The following COL5A1 variants were observed in gnomAD, a reference collection of about 807,000 sequenced individuals.
The protein encoded by COL5A1 is collagen type V alpha 1 chain.
A neutral mutation model predicts 263.7 loss-of-function variants in COL5A1; 16 were observed. That is an observed-to-expected ratio of 0.06 (90% CI 0.04 to 0.09). The LOEUF (loss-of-function observed/expected upper bound fraction) is 0.09. COL5A1 is among the 10% of genes least tolerant of loss of function. The pLI, the probability that COL5A1 is intolerant of heterozygous loss-of-function variation, is 1.00. For missense variants in COL5A1, 2,036 were observed against 2,540.5 expected (o/e 0.80, Z 4.27); for synonymous variants, 1,012 against 1,004.5 (o/e 1.01, Z -0.14).
At chr9:134,719,300 G>A (rs548308750) in intron 4 of COL5A1, among the ~76,000 whole-genome samples, 21 of 152,226 alleles carry the variant, frequency 1.4e-4, no homozygotes, top group African/African-American at 2.2e-4. Context: ...TGCACACGAC[G>A]TAGGCATGTA....
chr9:134,787,776 A>G (rs1024202853), intron 31 of COL5A1, among the ~76,000 whole-genome samples: 1 of 152,272 alleles, frequency 6.6e-6, no homozygotes, highest in African/African-American at 2.4e-5. Flanking sequence ...ACAATGTCAC[A>G]GTGCAATGTT....
chr9:134,645,266 C>T (rs1588394972), intron 1 of COL5A1, among the ~76,000 whole-genome samples: 2 of 152,338 alleles, frequency 1.3e-5, no homozygotes, highest in South Asian at 2.1e-4. Flanking sequence ...CCCACCGCCA[C>T]GCCTCAGCCG....
rs116457594 is a variant in COL5A1, at chr9:134,793,719, G to A, written c.2701-1363G>A. 5.6e-3 allele frequency among the ~76,000 whole-genome samples: 852 copies of A among 152,310 alleles called. 12 individuals are homozygous for A. Among genetic ancestry groups the A allele is most frequent in the African/African-American group, 0.019 (800 of 41,564 alleles). On this transcript the variant is annotated intron_variant, in intron 32 of 65. Transcript: ENST00000371817. ...GCACCTAAATGCCAGGAGTCATCAGGTTGGCCGTGGGCATCCTCGCCTGTA... is the reference window on the plus strand; with the variant it reads ...GCACCTAAATGCCAGGAGTCATCAGATTGGCCGTGGGCATCCTCGCCTGTA...
At chr9:134,671,423 T>G (rs1416729382) in intron 1 of COL5A1, among the ~76,000 whole-genome samples, 1 of 152,206 alleles carries the variant, frequency 6.6e-6, no homozygotes, top group African/African-American at 2.4e-5. Flanking sequence ...ATTTCTAGTG[T>G]TTTGAAAACT....
intron 11 of COL5A1, among the ~76,000 whole-genome samples, chr9:134,744,941 A>G (rs1384594803): frequency 6.6e-6 from 1 of 152,200 alleles, no homozygotes; most frequent in Non-Finnish European, 1.5e-5. Context: ...ACACACATCT[A>G]CATGCACGCG....
At chr9:134,731,920 T>C (rs1461387442) in intron 8 of COL5A1, 151 bp from the exon 9 acceptor site, 1 of 980,222 alleles carries the variant, frequency 1.0e-6, no homozygotes, top group Non-Finnish European at 1.6e-6. Context: ...CTGGCCTCTG[T>C]CACGCTCCTG....
intron 2 of COL5A1, among the ~76,000 whole-genome samples, chr9:134,693,938 T>C (rs989149527): frequency 6.6e-6 from 1 of 152,114 alleles, no homozygotes; most frequent in African/African-American, 2.4e-5. Context: ...CACCATGCCC[T>C]GTCTCGGGGA....
At chr9:134,810,462 C>T (rs1838481622) in intron 44 of COL5A1, 154 bp downstream of exon 44, 14 of 699,808 alleles carry the variant, frequency 2.0e-5, no homozygotes, top group Non-Finnish European at 3.0e-5. Context: ...GTTCCCACAA[C>T]GTGTGTGTGT....
chr9:134,762,770 G>A (rs1344520308), intron 19 of COL5A1, among the ~76,000 whole-genome samples: 3 of 152,184 alleles, frequency 2.0e-5, no homozygotes, highest in African/African-American at 4.8e-5. Flanking sequence ...TGACATGGAC[G>A]GGGCACCTGC....
chr9:134,790,547 C>T (rs1297412436), intron 32 of COL5A1, among the ~76,000 whole-genome samples: 2 of 83,468 alleles, frequency 2.4e-5, no homozygotes, highest in Non-Finnish European at 4.9e-5. Context: ...CCCATCCATT[C>T]ATCCGTCCAC....
chr9:134,782,473 A>G (rs1837293894), intron 28 of COL5A1, 194 bp from the exon 29 acceptor site: 1 of 682,828 alleles, frequency 1.5e-6, no homozygotes, highest in Non-Finnish European at 2.6e-6. Context: ...TCAGAACGTT[A>G]CAGCTGGGAA....
In COL5A1 at chr9:134,830,017, G is replaced by C; in HGVS notation, c.5109G>C (p.Trp1703Cys). 6.2e-7 allele frequency: 1 copy of C among 1,614,050 alleles called. No homozygotes were observed. The highest frequency in any genetic ancestry group is 8.5e-7 in the Non-Finnish European group (1 of 1,179,994). ...GGCCCAAAGAAAACCCGGGCTCCTG[G>C]TTCAGTGAATTCAAGCGTGGGAAAC... ...TSWPKENPGSWFSEFKRGKLL... is the reference protein window; with the variant it reads ...TSWPKENPGSCFSEFKRGKLL... The change falls in exon 64 of 66, where the codon TGG (tryptophan) becomes TGC (cysteine). Residue 1703 changes from tryptophan (W) to cysteine (C), a missense_variant. This residue lies in a region of COL5A1 where 358 missense variants were observed against 384.6 expected (regional missense o/e 0.93). Transcript: ENST00000371817.
intron 1 of COL5A1, among the ~76,000 whole-genome samples, chr9:134,688,460 C>T (rs564290043): frequency 3.1e-4 from 47 of 152,336 alleles, no homozygotes; most frequent in East Asian, 2.7e-3. Context: ...CCCAGGGCTG[C>T]GCGGTGCAGC....
Position 134,765,657 on chromosome 9 carries a change from C to T in COL5A1, c.2035-24C>T. 6.2e-7 allele frequency: 1 copy of T among 1,610,552 alleles called. No individual in the cohort carries two copies. The highest frequency in any genetic ancestry group is 1.1e-5 in the South Asian group (1 of 90,958). ...CTGGGATTTCTGCCCGAGTTTAAAT[C>T]CTATTTTCCCTTTCCTCTTACAGGG... On this transcript the variant is annotated intron_variant, in intron 20 of 65. Coordinates refer to ENST00000371817, the MANE Select transcript of COL5A1 (RefSeq NM_000093.5). The surrounding 1 kb of genome is among the most constrained non-coding windows in gnomAD (Gnocchi z 5.1).
intron 4 of COL5A1, among the ~76,000 whole-genome samples, chr9:134,718,379 T>A (rs778513064): frequency 3.3e-5 from 5 of 151,986 alleles, no homozygotes; most frequent in Non-Finnish European, 7.4e-5. Context: ...AATCCAGGAA[T>A]GTAAAGGGGG....
At position 134,700,654 on chromosome 9, in the gene COL5A1, G is replaced by A. The variant is rs1306732055; in HGVS notation, c.492-517G>A. On this transcript the variant is annotated intron_variant, in intron 3 of 65. Transcript: ENST00000371817. This position sits in a 1 kb window ranked among gnomAD's most constrained non-coding sequence, Gnocchi z 4.0. Reference sequence around the variant, plus strand: ...TCAATACATGATTTCTGAATTCTTCGCCAAGACTTTCAGACAGATCCACTC... The same window carrying A: ...TCAATACATGATTTCTGAATTCTTCACCAAGACTTTCAGACAGATCCACTC... Among the ~76,000 whole-genome samples the A allele has an allele frequency of 1.3e-5, 2 of 152,132 alleles. No homozygotes were observed. The highest frequency in any genetic ancestry group is 2.4e-5 in the African/African-American group (1 of 41,436).
chr9:134,717,397 T>C (rs2132612782), intron 4 of COL5A1, among the ~76,000 whole-genome samples: 1 of 152,304 alleles, frequency 6.6e-6, no homozygotes, highest in East Asian at 1.9e-4. Context: ...GCCAGCGTTG[T>C]TCCATCCCCA....
rs548043388 is a variant in COL5A1 at position 134,741,556 on chromosome 9, C to T, written c.1494+2748C>T. On this transcript the variant is annotated intron_variant, in intron 11 of 65. Transcript: ENST00000371817. The surrounding 1 kb of genome is among the most constrained non-coding windows in gnomAD (Gnocchi z 4.5). The stretch of plus-strand genomic sequence containing the variant: ...TGCAGATTCACTGGGGGCTGGCCTC[C>T]CTCTCAGGTGATAAGGGGCGCTCTC... Among the ~76,000 whole-genome samples the T allele has an allele frequency of 9.5e-4, 145 of 152,020 alleles. No individual in the cohort carries two copies. The highest frequency in any genetic ancestry group is 3.5e-3 in the African/African-American group (144 of 41,430).
intron 9 of COL5A1, chr9:134,732,565 CT>C (rs1231613161): frequency 3.7e-6 from 1 of 273,542 alleles, no homozygotes; most frequent in Admixed American, 4.8e-5. Flanking sequence ...CTCTCTGCGT[CT>C]GTTATGCAAC....
Sources: gnomAD v4.1 joint callset for allele counts (sites outside exome capture counted in the v4.1 genomes callset) on GRCh38, gnomAD v4.1.1 for gene constraint, gnomAD v4.1.1 regional missense constraint, Gnocchi (gnomAD v3.1) non-coding constraint, MANE v1.5 for transcripts, NCBI Gene and HGNC (gene_info 2026-07-23, HGNC 2026-07-21) for gene names.